Variants in MTMR7 observed in about 807,000 individuals in gnomAD.
MTMR7 encodes myotubularin related protein 7.
Under a neutral mutation model 81.2 loss-of-function variants are expected in MTMR7, and 76 were observed. The observed-to-expected ratio is 0.94, with a 90% CI of 0.78 to 1.13. The LOEUF is 1.13. MTMR7 is among the 50% of genes most tolerant of loss of function. MTMR7 has a pLI of 0.00. For missense variants in MTMR7, 1,044 were observed against 820.0 expected (o/e 1.27, Z -3.34); for synonymous variants, 372 against 289.8 (o/e 1.28, Z -2.88).
At chr8:17,399,650 A>G (rs577527833) in intron 1 of MTMR7, among the ~76,000 whole-genome samples, 44 of 152,304 alleles carry the variant, frequency 2.9e-4, no homozygotes, top group African/African-American at 1.0e-3. Context: ...TAGAACAACA[A>G]AAGACCTAGA....
rs189546870 is a variant in MTMR7 at position 17,318,635 on chromosome 8, G to T, written c.866-5234C>A. On this transcript the variant is annotated intron_variant, in intron 7 of 13. Coordinates refer to ENST00000180173, the MANE Select transcript of MTMR7 (RefSeq NM_004686.5). ...ATCATGTCAGCTAATTCACAGCCAG[G>T]TTTCCTGAGATTCTCTTGTCTGGAT... Among the ~76,000 whole-genome samples, 963 of 152,250 alleles carry T rather than the reference G, an allele frequency of 6.3e-3. 34 individuals carry two copies. The highest frequency in any genetic ancestry group is 0.056 in the Admixed American group (852 of 15,288).
rs1554515173 is a variant in MTMR7 at position 17,366,887 on chromosome 8, A to AAAAAAAACAAACAAAC, written c.310+4149_310+4150insGTTTGTTTGTTTTTTT. 6.3e-4 allele frequency among the ~76,000 whole-genome samples: 92 copies of AAAAAAAACAAACAAAC among 146,118 alleles called. 5 individuals carry two copies. The East Asian group carries it at 0.011, about 17-fold the overall frequency. On this transcript the variant is annotated intron_variant, in intron 3 of 13. Transcript: ENST00000180173. ...GATGACAGAGCGAGACTCCATCTCA[A>AAAAAAAACAAACAAAC]AAAAAAAAAAACTGTAGCTGAAAAA...
chr8:17,344,570 C>T (rs1413592298), intron 5 of MTMR7, among the ~76,000 whole-genome samples: 1 of 152,100 alleles, frequency 6.6e-6, no homozygotes, highest in Non-Finnish European at 1.5e-5. Context: ...GAGATCATGC[C>T]ACTGCACTCC....
At chr8:17,352,649 A>G (rs1819761661) in intron 4 of MTMR7, among the ~76,000 whole-genome samples, 1 of 152,208 alleles carries the variant, frequency 6.6e-6, no homozygotes, top group Non-Finnish European at 1.5e-5. Flanking sequence ...GACACAATCA[A>G]AAGTGAAAAA....
intron 5 of MTMR7, 105 bp downstream of exon 5, chr8:17,348,848 G>A: frequency 2.9e-6 from 4 of 1,377,778 alleles, no homozygotes; most frequent in Non-Finnish European, 4.1e-6. Flanking sequence ...ACCTTCTGAA[G>A]AATTCAAACA....
chr8:17,314,619 C>CA (rs916311918), intron 7 of MTMR7, among the ~76,000 whole-genome samples: 1 of 152,186 alleles, frequency 6.6e-6, no homozygotes, highest in African/African-American at 2.4e-5. Context: ...AAGCCACACA[C>CA]AAAAAAGCAC....
intron 1 of MTMR7, among the ~76,000 whole-genome samples, chr8:17,373,652 T>C (rs1304334002): frequency 6.6e-6 from 1 of 152,248 alleles, no homozygotes; most frequent in South Asian, 2.1e-4. Context: ...TTTTCCTATG[T>C]GTTTCTAGCT....
intron 1 of MTMR7, among the ~76,000 whole-genome samples, chr8:17,387,124 A>G (rs1820969903): frequency 2.0e-5 from 3 of 152,210 alleles, no homozygotes; most frequent in African/African-American, 7.2e-5. Flanking sequence ...CATATGATAG[A>G]TATCACTGAT....
rs185439236 is a variant in MTMR7 at position 17,367,996 on chromosome 8, A to C, written c.310+3041T>G. On this transcript the variant is annotated intron_variant, in intron 3 of 13. Coordinates refer to ENST00000180173, the MANE Select transcript of MTMR7 (RefSeq NM_004686.5). ...CCAAACATTTCTTCTTATGTAAAAAACAACTGTTTTGTCCTCTGTAGCAGC... is the reference window on the plus strand; with the variant it reads ...CCAAACATTTCTTCTTATGTAAAAACCAACTGTTTTGTCCTCTGTAGCAGC... 2.6e-5 allele frequency among the ~76,000 whole-genome samples: 4 copies of C among 152,074 alleles called. No individual in the cohort carries two copies. The East Asian group carries it at 7.7e-4, about 29-fold the overall frequency.
intron 1 of MTMR7, among the ~76,000 whole-genome samples, chr8:17,385,227 G>A (rs1423221214): frequency 6.6e-6 from 1 of 152,170 alleles, no homozygotes; most frequent in East Asian, 1.9e-4. Context: ...GGCCTGGTGG[G>A]AGGTGATTTG....
At chr8:17,309,886 T>G (rs1436314120) in intron 9 of MTMR7, among the ~76,000 whole-genome samples, 2 of 152,256 alleles carry the variant, frequency 1.3e-5, no homozygotes, top group African/African-American at 4.8e-5. Flanking sequence ...TTGGGGTATA[T>G]TCAAAGCTTC....
intron 3 of MTMR7, among the ~76,000 whole-genome samples, chr8:17,366,616 G>C (rs182894385): frequency 6.6e-6 from 1 of 152,140 alleles, no homozygotes; most frequent in South Asian, 2.1e-4. Context: ...GCCGGGCGCG[G>C]TGGCTCACGC....
chr8:17,311,692 C>T, intron 8 of MTMR7, 56 bp from the exon 9 acceptor site: 2 of 1,610,674 alleles, frequency 1.2e-6, no homozygotes, highest in South Asian at 1.1e-5. Flanking sequence ...AAAGGCAGAA[C>T]CTCTCATCAC....
intron 1 of MTMR7, among the ~76,000 whole-genome samples, chr8:17,388,857 C>T (rs192185896): frequency 6.6e-6 from 1 of 152,350 alleles, no homozygotes; most frequent in East Asian, 1.9e-4. Flanking sequence ...TTTACACATT[C>T]CCATGCCTCA....
At chr8:17,356,679 A>C (rs1819898845) in intron 4 of MTMR7, among the ~76,000 whole-genome samples, 1 of 151,814 alleles carries the variant, frequency 6.6e-6, no homozygotes, top group African/African-American at 2.4e-5. Flanking sequence ...GCCCCACTGT[A>C]CTCTAGCTTG....
chr8:17,387,168 T>A (rs1209065812), intron 1 of MTMR7, among the ~76,000 whole-genome samples: 2 of 152,238 alleles, frequency 1.3e-5, no homozygotes, highest in Non-Finnish European at 2.9e-5. Flanking sequence ...TACCAGCATC[T>A]ATGCATGTGA....
chr8:17,309,456 G>T (rs191116134), intron 9 of MTMR7, 130 bp from the exon 10 acceptor site: 3 of 689,466 alleles, frequency 4.4e-6, no homozygotes, highest in South Asian at 1.6e-5. Context: ...GCAAATGCAT[G>T]AACAGGCATT....
intron 4 of MTMR7, among the ~76,000 whole-genome samples, chr8:17,355,571 A>C (rs1819865883): frequency 6.6e-6 from 1 of 151,654 alleles, no homozygotes; most frequent in Non-Finnish European, 1.5e-5. Context: ...GGATTAAAAA[A>C]TTAAAAAAAA....
rs1210450375 is a variant in MTMR7 at position 17,361,285 on chromosome 8, A to G, written c.311-11T>C. 4 of 1,614,024 alleles carry G rather than the reference A, an allele frequency of 2.5e-6. No individual in the cohort carries two copies. ...ACTCCTCATATTTCACTGCAAGAAA[A>G]GGTAGGATAAAGTTAAATCAAGCTT... On this transcript the variant is annotated splice_polypyrimidine_tract_variant and intron_variant, in intron 3 of 13. Transcript: ENST00000180173.
Sources: gnomAD v4.1 joint callset for allele counts (sites outside exome capture counted in the v4.1 genomes callset) on GRCh38, gnomAD v4.1.1 for gene constraint, MANE v1.5 for transcripts, NCBI Gene and HGNC (gene_info 2026-07-23, HGNC 2026-07-21) for gene names.